RAB27A: variants seen among roughly 807,000 people sequenced by gnomAD.
RAB27A encodes ras-related protein Rab-27A.
RAB27A carries 17 observed loss-of-function variants against 20.8 expected under a neutral mutation model. The ratio of observed to expected loss-of-function variants is 0.82; its 90% CI spans 0.56 to 1.23. The LOEUF (loss-of-function observed/expected upper bound fraction) is 1.23. RAB27A is among the 50% of genes most tolerant of loss of function. RAB27A has a pLI of 0.00. For synonymous variants in RAB27A, 85 were observed against 92.8 expected (o/e 0.92, Z 0.48); for missense variants, 277 against 266.7 (o/e 1.04, Z -0.27).
At chr15:55,282,877 C>A (rs1026898817) in intron 1 of RAB27A, among the ~76,000 whole-genome samples, 1 of 152,040 alleles carries the variant, frequency 6.6e-6, no homozygotes, top group Non-Finnish European at 1.5e-5. Context: ...TTCTCAGTCT[C>A]AACTGCAACT....
At chr15:55,229,371 T>C (rs57535550) in intron 4 of RAB27A, among the ~76,000 whole-genome samples, 6,892 of 152,282 alleles carry the variant, frequency 0.045, 546 homozygotes, top group African/African-American at 0.16. Context: ...TTTTAATCAA[T>C]GTTTTTATTA....
intron 6 of RAB27A, among the ~76,000 whole-genome samples, chr15:55,209,552 T>C (rs1187905661): frequency 2.0e-5 from 3 of 152,192 alleles, no homozygotes; most frequent in South Asian, 4.1e-4. Context: ...GATGGGTAGA[T>C]TGATTGCATA....
Position 55,275,918 on chromosome 15 carries a change from TAAAA to T in RAB27A, c.-142-5638_-142-5635del, listed in dbSNP as rs60106785. Among the ~76,000 whole-genome samples, 10 of 104,130 alleles carry T rather than the reference TAAAA, an allele frequency of 9.6e-5. No homozygotes were observed. In the South Asian group the frequency reaches 1.4e-3, roughly 14 times the overall value. 68.3% of individuals were successfully genotyped at this position (104,130 alleles called of 152,430 possible). A position where few individuals can be genotyped will look rare whatever the true frequency, so the allele number is the denominator to read the frequency against. ...CCTCACATCTGCTAGGATGGCTAATTAAAAAAAAAAAAAAAAAAAAAACAAGAGA... is the reference window on the plus strand; with the variant it reads ...CCTCACATCTGCTAGGATGGCTAATTAAAAAAAAAAAAAAAAAACAAGAGA... On this transcript the variant is annotated intron_variant, in intron 1 of 6. Transcript: ENST00000336787.
chr15:55,301,566 G>C (rs1203929186), intron 2 of RAB27A, among the ~76,000 whole-genome samples: 2 of 151,650 alleles, frequency 1.3e-5, no homozygotes, highest in Non-Finnish European at 2.9e-5. Flanking sequence ...TGTATGATTT[G>C]GTGGTTTTTA....
chr15:55,260,691 G>A (rs1897240798), intron 2 of RAB27A, among the ~76,000 whole-genome samples: 1 of 152,206 alleles, frequency 6.6e-6, no homozygotes. Context: ...CAATCTGTAT[G>A]ATTCCAACTA....
At chr15:55,224,232 G>A (rs1895707451) in intron 5 of RAB27A, among the ~76,000 whole-genome samples, 2 of 152,160 alleles carry the variant, frequency 1.3e-5, no homozygotes, top group African/African-American at 2.4e-5. Context: ...TATTGATATC[G>A]GAGAGTTTAT....
intron 2 of RAB27A, among the ~76,000 whole-genome samples, chr15:55,258,112 T>A (rs1277569816): frequency 2.7e-5 from 4 of 150,868 alleles, no homozygotes; most frequent in African/African-American, 9.7e-5. Flanking sequence ...GGAGGAGTTG[T>A]AGTATCACTT....
intron 6 of RAB27A, among the ~76,000 whole-genome samples, chr15:55,217,663 CAA>C (rs199813098): frequency 2.5e-3 from 109 of 43,480 alleles, no homozygotes; most frequent in Non-Finnish European, 3.4e-3. Flanking sequence ...CACTCCATCT[CAA>C]AAAAAAAAAA....
chr15:55,229,815 G>C (rs1224609329), intron 4 of RAB27A, among the ~76,000 whole-genome samples: 1 of 152,104 alleles, frequency 6.6e-6, no homozygotes, highest in Non-Finnish European at 1.5e-5. Context: ...AAATTCTGTT[G>C]GCCACAATTT....
intron 2 of RAB27A, among the ~76,000 whole-genome samples, chr15:55,298,223 AGTC>A (rs925962385): frequency 4.0e-5 from 6 of 151,160 alleles, no homozygotes; most frequent in Admixed American, 4.0e-4. Context: ...AAAAAAAAAA[AGTC>A]AGTTGTGGGC....
chr15:55,249,748 G>A (rs1485234811), intron 2 of RAB27A, among the ~76,000 whole-genome samples: 1 of 152,138 alleles, frequency 6.6e-6, no homozygotes, highest in Non-Finnish European at 1.5e-5. Context: ...AGAAAGGTGT[G>A]TTGAAACTCC....
intron 2 of RAB27A, among the ~76,000 whole-genome samples, chr15:55,305,867 T>C (rs2054994614): frequency 6.6e-6 from 1 of 152,216 alleles, no homozygotes. Context: ...GTACAGGTTG[T>C]GATACCGCCA....
At chr15:55,209,872 ATATATG>A (rs1383899965) in intron 6 of RAB27A, among the ~76,000 whole-genome samples, 1 of 13,750 alleles carries the variant, frequency 7.3e-5, no homozygotes, top group African/African-American at 1.2e-4. Context: ...ACATATATAC[ATATATG>A]TGTGTGTATA....
chr15:55,239,900 T>A (rs1371324089), intron 2 of RAB27A, among the ~76,000 whole-genome samples: 1 of 152,142 alleles, frequency 6.6e-6, no homozygotes, highest in Non-Finnish European at 1.5e-5. Context: ...TTATCTGAGC[T>A]TGCAGTCCAG....
chr15:55,272,640 T>C (rs1897743353), intron 1 of RAB27A, among the ~76,000 whole-genome samples: 1 of 152,248 alleles, frequency 6.6e-6, no homozygotes, highest in African/African-American at 2.4e-5. Flanking sequence ...AGAATAAAGA[T>C]GGCATGCTCA....
intron 5 of RAB27A, among the ~76,000 whole-genome samples, chr15:55,227,356 G>A (rs1354934328): frequency 6.6e-6 from 1 of 152,148 alleles, no homozygotes; most frequent in East Asian, 1.9e-4. Flanking sequence ...AACTTGTTCT[G>A]ATGATGCAAA....
chr15:55,207,735 T>C (rs1894721803), intron 6 of RAB27A, among the ~76,000 whole-genome samples: 1 of 151,878 alleles, frequency 6.6e-6, no homozygotes, highest in Non-Finnish European at 1.5e-5. Context: ...CAGGCTGGAG[T>C]GTAATGGTGT....
intron 2 of RAB27A, among the ~76,000 whole-genome samples, chr15:55,245,328 GA>G (rs1218078353): frequency 6.6e-6 from 1 of 152,100 alleles, no homozygotes; most frequent in Non-Finnish European, 1.5e-5. Flanking sequence ...GTCAAGAGTG[GA>G]AAAAATGATG....
At chr15:55,275,939 A>AAAAAAAAAAAG in intron 1 of RAB27A, among the ~76,000 whole-genome samples, 1 of 150,994 alleles carries the variant, frequency 6.6e-6, no homozygotes, top group Non-Finnish European at 1.5e-5. Flanking sequence ...AAAAAAAAAA[A>AAAAAAAAAAAG]ACAAGAGATA....
Sources: gnomAD v4.1 joint callset for allele counts (sites outside exome capture counted in the v4.1 genomes callset) on GRCh38, gnomAD v4.1.1 for gene constraint, MANE v1.5 for transcripts, NCBI Gene and HGNC (gene_info 2026-07-23, HGNC 2026-07-21) for gene names.